MYO1D: variants seen among roughly 807,000 people sequenced by gnomAD.
MYO1D encodes unconventional myosin-Id.
Under a neutral mutation model 122.0 loss-of-function variants are expected in MYO1D, and 83 were observed. The ratio of observed to expected loss-of-function variants is 0.68; its 90% CI spans 0.57 to 0.82. The LOEUF (loss-of-function observed/expected upper bound fraction) is 0.82, where lower values mean the gene tolerates loss of function less well. MYO1D is among the 40% of genes least tolerant of loss of function. The probability of loss-of-function intolerance (pLI) is 0.00; values close to 1 mark genes in which losing one functional copy is unlikely to be tolerated. For missense variants in MYO1D, 1,157 were observed against 1,269.5 expected (o/e 0.91, Z 1.35); for synonymous variants, 464 against 446.9 (o/e 1.04, Z -0.48).
intron 1 of MYO1D, among the ~76,000 whole-genome samples, chr17:32,839,882 G>A (rs1461361905): frequency 2.0e-5 from 3 of 152,148 alleles, no homozygotes; most frequent in Admixed American, 6.5e-5. Flanking sequence ...AAGATCTGAC[G>A]GTCTGACAAA....
intron 1 of MYO1D, among the ~76,000 whole-genome samples, chr17:32,843,362 C>T (rs960900781): frequency 2.5e-4 from 38 of 152,096 alleles, no homozygotes; most frequent in African/African-American, 9.2e-4. Context: ...ACTGAGTATC[C>T]ATAAAGAACA....
chr17:32,679,733 G>T (rs536760007), intron 16 of MYO1D, among the ~76,000 whole-genome samples: 67 of 152,176 alleles, frequency 4.4e-4, no homozygotes, highest in South Asian at 3.9e-3. Context: ...GGATTGACTT[G>T]GCAGTGCGGG....
intron 11 of MYO1D, among the ~76,000 whole-genome samples, chr17:32,751,692 A>G (rs1221083555): frequency 1.3e-5 from 2 of 152,128 alleles, no homozygotes; most frequent in Non-Finnish European, 2.9e-5. Flanking sequence ...CTCACACAAA[A>G]GAAAACCCTA....
At chr17:32,594,315 C>T in intron 21 of MYO1D, 1 of 377,472 alleles carries the variant, frequency 2.6e-6, no homozygotes, top group Non-Finnish European at 4.7e-6. Flanking sequence ...ACAGTAAATT[C>T]TGCACACTGA....
chr17:32,549,517 G>A lies in MYO1D; in HGVS notation c.2865-54602C>T, dbSNP rs145277326. ...GCATAGCACTGACTTTCTAATTTAC[G>A]AAGCTCTGTTTTCCGTAGTGTTAAT... On this transcript the variant is annotated intron_variant, in intron 21 of 21. Coordinates refer to ENST00000318217, the MANE Select transcript of MYO1D (RefSeq NM_015194.3). 2.3e-3 allele frequency among the ~76,000 whole-genome samples: 346 copies of A among 152,304 alleles called. 2 individuals carry two copies. Among genetic ancestry groups the A allele is most frequent in the Non-Finnish European group, 2.6e-3 (179 of 68,028 alleles).
chr17:32,561,072 C>T (rs959810070), intron 21 of MYO1D, among the ~76,000 whole-genome samples: 13 of 151,570 alleles, frequency 8.6e-5, no homozygotes, highest in African/African-American at 2.7e-4. Flanking sequence ...CCACCACGCC[C>T]GGCTAATTTT....
chr17:32,588,248 T>C (rs1437636087), intron 21 of MYO1D, among the ~76,000 whole-genome samples: 1 of 152,216 alleles, frequency 6.6e-6, no homozygotes, highest in Admixed American at 6.5e-5. Context: ...ACCTGAAATG[T>C]AGGTTGCTTG....
chr17:32,623,590 T>C (rs777049802), intron 20 of MYO1D, among the ~76,000 whole-genome samples: 2 of 152,246 alleles, frequency 1.3e-5, no homozygotes, highest in East Asian at 1.9e-4. Flanking sequence ...CATTAAACCA[T>C]GGTCAATGAC....
intron 12 of MYO1D, 51 bp from the exon 13 acceptor site, chr17:32,745,336 A>G: frequency 8.1e-7 from 1 of 1,233,460 alleles, no homozygotes; most frequent in African/African-American, 1.5e-5. Flanking sequence ...AGCAAGAGCC[A>G]CATTTAAGTT....
chr17:32,580,504 G>C (rs1421101144), intron 21 of MYO1D, among the ~76,000 whole-genome samples: 2 of 149,092 alleles, frequency 1.3e-5, no homozygotes, highest in Admixed American at 1.3e-4. Context: ...CTGCCTCCCA[G>C]GTTCAAGCGA....
In MYO1D at chr17:32,803,295, C is replaced by T. The variant is rs559453430; in HGVS notation, c.96-22511G>A. On this transcript the variant is annotated intron_variant, in intron 1 of 21. Transcript: ENST00000318217. ...CCGAGTAGCTGGGACTACAGGTGCC[C>T]GCCACCACACCCAGCTAATTTTTTG... Among the ~76,000 whole-genome samples, 9 of 152,088 alleles carry T rather than the reference C, an allele frequency of 5.9e-5. No homozygotes were observed. In the South Asian group the frequency reaches 1.7e-3, roughly 28 times the overall value.
At chr17:32,576,737 C>A (rs1460061842) in intron 21 of MYO1D, among the ~76,000 whole-genome samples, 2 of 152,194 alleles carry the variant, frequency 1.3e-5, no homozygotes, top group Non-Finnish European at 2.9e-5. Flanking sequence ...CTCCCGGCAG[C>A]CTTGACCTTC....
intron 1 of MYO1D, among the ~76,000 whole-genome samples, chr17:32,785,010 C>T (rs1372471034): frequency 6.6e-6 from 1 of 152,050 alleles, no homozygotes; most frequent in Non-Finnish European, 1.5e-5. Flanking sequence ...AACAAGGAAT[C>T]AGTGAAGACT....
chr17:32,612,685 A>G (rs2087716873), intron 20 of MYO1D, among the ~76,000 whole-genome samples: 1 of 148,486 alleles, frequency 6.7e-6, no homozygotes, highest in South Asian at 2.1e-4. Flanking sequence ...CCCATCTCAA[A>G]AAAAAAAAAA....
intron 1 of MYO1D, among the ~76,000 whole-genome samples, chr17:32,797,304 C>A (rs766814899): frequency 4.6e-5 from 7 of 152,174 alleles, no homozygotes; most frequent in Non-Finnish European, 1.0e-4. Flanking sequence ...AGTTTCTTAT[C>A]CCACTTTTCA....
At chr17:32,709,587 A>G (rs2089350377) in intron 16 of MYO1D, among the ~76,000 whole-genome samples, 1 of 152,192 alleles carries the variant, frequency 6.6e-6, no homozygotes, top group Non-Finnish European at 1.5e-5. Flanking sequence ...AAAAATTAAT[A>G]GAAGGAAAAT....
chr17:32,674,122 T>G (rs1270695170), intron 16 of MYO1D, among the ~76,000 whole-genome samples: 3 of 152,198 alleles, frequency 2.0e-5, no homozygotes, highest in African/African-American at 7.2e-5. Flanking sequence ...TGAGGCTGTT[T>G]CAACGTTCTG....
At position 32,621,025 on chromosome 17, in the gene MYO1D, T is replaced by A. The variant is rs576792972; in HGVS notation, c.2710-15784A>T. On this transcript the variant is annotated intron_variant, in intron 20 of 21. Coordinates refer to ENST00000318217, the MANE Select transcript of MYO1D (RefSeq NM_015194.3). ...AGATATCTTCAGGACGGAACCCAAGTCTAAAATGACATTCATTTATGTTTC... is the reference window on the plus strand; with the variant it reads ...AGATATCTTCAGGACGGAACCCAAGACTAAAATGACATTCATTTATGTTTC... Among the ~76,000 whole-genome samples the A allele has an allele frequency of 5.3e-5, 8 of 152,342 alleles. No homozygotes were observed. The South Asian group carries it at 1.7e-3, about 32-fold the overall frequency.
At chr17:32,601,687 A>G (rs2087564298) in intron 21 of MYO1D, among the ~76,000 whole-genome samples, 1 of 152,216 alleles carries the variant, frequency 6.6e-6, no homozygotes. Context: ...TCCAGTGTCC[A>G]GAGACATAAA....
Sources: allele counts gnomAD v4.1 joint callset (sites outside exome capture counted in the v4.1 genomes callset), GRCh38; gene constraint gnomAD v4.1.1; transcripts MANE v1.5; gene names NCBI Gene and HGNC (gene_info 2026-07-23, HGNC 2026-07-21).